Variants in LRP8 observed in about 807,000 individuals in gnomAD.
The protein encoded by LRP8 is low-density lipoprotein receptor-related protein 8.
Under a neutral mutation model 111.6 loss-of-function variants are expected in LRP8, and 46 were observed. The ratio of observed to expected loss-of-function variants is 0.41; its 90% CI spans 0.33 to 0.53. The LOEUF (loss-of-function observed/expected upper bound fraction) is 0.53, where lower values mean the gene tolerates loss of function less well. Among genes scored for constraint, LRP8 ranks in the 20% least tolerant of loss-of-function variants. LRP8 has a pLI of 0.20. For missense variants in LRP8, 959 were observed against 1,297.4 expected (o/e 0.74, Z 4.01); for synonymous variants, 464 against 511.2 (o/e 0.91, Z 1.24).
chr1:53,327,993 G>T lies in LRP8; in HGVS notation c.-81C>A. 1 of 904,198 alleles carries T rather than the reference G, an allele frequency of 1.1e-6. No individual in the cohort carries two copies. Among genetic ancestry groups the T allele is most frequent in the Non-Finnish European group, 1.3e-6 (1 of 757,200 alleles). The allele number at this position is 904,198 out of a possible 1,614,324, so 56.0% of individuals were successfully genotyped here. On this transcript the variant is annotated 5_prime_UTR_variant, in exon 1 of 19. Transcript: ENST00000306052. ...CGTCTCAGCCCTCCGAGTCCTTGCC[G>T]CGGCGCCGGGGTTGCCGCTGCCCCC...
chr1:53,295,509 C>T (rs916217205), intron 2 of LRP8, among the ~76,000 whole-genome samples: 9 of 152,098 alleles, frequency 5.9e-5, no homozygotes, highest in Non-Finnish European at 1.2e-4. Context: ...GGCTGCTCTC[C>T]AGCAGCCAAA....
At position 53,327,790 on chromosome 1, in the gene LRP8, T is replaced by G; in HGVS notation, c.123A>C (p.Gln41His). 6.6e-7 allele frequency: 1 copy of G among 1,511,082 alleles called. No individual in the cohort carries two copies. The highest frequency in any genetic ancestry group is 1.2e-5 in the South Asian group (1 of 82,080). 93.6% of individuals were successfully genotyped at this position (1,511,082 alleles called of 1,614,324 possible). Reference protein sequence around the residue: ...AAAADPLLGGQGPAKDCEKDQ... With the variant: ...AAAADPLLGGHGPAKDCEKDQ... ...GAGTCAGAGACCGGCTGCACGCACC[T>G]TGGCCGCCGAGCAGCGGATCAGCCG... Residue 41 changes from glutamine to histidine, a missense_variant and splice_region_variant, in exon 1 of 19, where the codon CAA becomes CAC. By Grantham distance (24) the Gln-to-His change is conservative. Around this residue, in one of 3 missense-constraint regions of LRP8, gnomAD observed 97 missense variants for 107.5 expected, o/e 0.90. Coordinates refer to ENST00000306052, the MANE Select transcript of LRP8 (RefSeq NM_004631.5).
At chr1:53,248,367 T>C (rs1315334476) in intron 18 of LRP8, among the ~76,000 whole-genome samples, 1 of 152,212 alleles carries the variant, frequency 6.6e-6, no homozygotes, top group South Asian at 2.1e-4. Flanking sequence ...AGGCCAAAGA[T>C]AGGCCCCAGT....
chr1:53,272,420 G>A (rs568708618), intron 6 of LRP8, among the ~76,000 whole-genome samples: 68 of 152,204 alleles, frequency 4.5e-4, no homozygotes, highest in Admixed American at 2.8e-3. Flanking sequence ...GAGAGGTGCC[G>A]CGCCCCTCTC....
In LRP8 at chr1:53,251,342, C is replaced by T. The variant is rs546017478; in HGVS notation, c.2504-480G>A. Among the ~76,000 whole-genome samples, 3 of 152,218 alleles carry T rather than the reference C, an allele frequency of 2.0e-5. No individual in the cohort carries two copies. The South Asian group carries it at 6.2e-4, about 32-fold the overall frequency. ...GATTTCTCTAAGAAAACGATTCTCT[C>T]CCAAAACTGGGGGGTGGAGAGTGGG... On this transcript the variant is annotated intron_variant, in intron 16 of 18. Coordinates refer to ENST00000306052, the MANE Select transcript of LRP8 (RefSeq NM_004631.5).
Position 53,266,820 on chromosome 1 carries a change from GA to G in LRP8, c.1253-174del. On this transcript the variant is annotated intron_variant, in intron 8 of 18. Coordinates refer to ENST00000306052, the MANE Select transcript of LRP8 (RefSeq NM_004631.5). This position sits in a 1 kb window ranked among gnomAD's most constrained non-coding sequence, Gnocchi z 5.0. ...GATGAAATAATGAGTACAGAAAGCA[GA>G]AGATGCAGAGCACCACGCATAGCAG... 1 of 602,418 alleles carries G rather than the reference GA, an allele frequency of 1.7e-6. No individual in the cohort carries two copies. Among genetic ancestry groups the G allele is most frequent in the East Asian group, 2.8e-5 (1 of 36,264 alleles). The allele number at this position is 602,418 out of a possible 1,614,324, so 37.3% of individuals were successfully genotyped here. A position where few individuals can be genotyped will look rare whatever the true frequency, so the allele number is the denominator to read the frequency against.
At position 53,279,080 on chromosome 1, in the gene LRP8, AGACTTG is replaced by A. The variant is rs1379094389; in HGVS notation, c.496+1501_496+1506del. Among the ~76,000 whole-genome samples the A allele has an allele frequency of 6.6e-6, 1 of 152,034 alleles. No homozygotes were observed. Among genetic ancestry groups the A allele is most frequent in the Non-Finnish European group, 1.5e-5 (1 of 68,006 alleles). On this transcript the variant is annotated intron_variant, in intron 4 of 18. Transcript: ENST00000306052. The surrounding 1 kb of genome is among the most constrained non-coding windows in gnomAD (Gnocchi z 4.4). Reference sequence around the variant, plus strand: ...CGCCTTAATTTTTAATTTTACTTGAAGACTTGGATGGCAAGGAAGTGCTTCTTCATA... The same window carrying A: ...CGCCTTAATTTTTAATTTTACTTGAAGATGGCAAGGAAGTGCTTCTTCATA...
intron 3 of LRP8, among the ~76,000 whole-genome samples, chr1:53,281,586 C>T (rs1389996232): frequency 6.6e-6 from 1 of 152,208 alleles, no homozygotes; most frequent in African/African-American, 2.4e-5. Context: ...CACAATAAGC[C>T]AGCAGGGTGA....
At chr1:53,291,214 T>C (rs953483886) in intron 2 of LRP8, among the ~76,000 whole-genome samples, 23 of 152,038 alleles carry the variant, frequency 1.5e-4, no homozygotes, top group Admixed American at 1.3e-3. Context: ...GGCCCAGAAA[T>C]GAAGACGGCA....
At chr1:53,296,415 TG>T (rs1649725569) in intron 2 of LRP8, among the ~76,000 whole-genome samples, 1 of 152,238 alleles carries the variant, frequency 6.6e-6, no homozygotes. Context: ...CTCCCAGGCC[TG>T]GGCCAGCACA....
At chr1:53,298,521 C>G (rs901848671) in intron 2 of LRP8, among the ~76,000 whole-genome samples, 1 of 152,340 alleles carries the variant, frequency 6.6e-6, no homozygotes, top group South Asian at 2.1e-4. Context: ...CAGCCCCACC[C>G]TGGGTTTTGG....
rs1158448587 is a variant in LRP8, at chr1:53,317,866, G to C, written c.244+9007C>G. On this transcript the variant is annotated intron_variant, in intron 2 of 18. Transcript: ENST00000306052. The surrounding 1 kb of genome is among the most constrained non-coding windows in gnomAD (Gnocchi z 4.9). ...AGTCACCCAAGGAACCTGGGCCTCA[G>C]GGTGGAGCTCTGGAAGTGGAGCTAA... is the stretch of plus-strand genomic sequence containing the variant. Among the ~76,000 whole-genome samples, 1 of 152,218 alleles carries C rather than the reference G, an allele frequency of 6.6e-6. No individual in the cohort carries two copies. The highest frequency in any genetic ancestry group is 2.4e-5 in the African/African-American group (1 of 41,448).
chr1:53,264,144 T>C (rs753755686), intron 10 of LRP8, 25 bp downstream of exon 10: 41 of 1,607,546 alleles, frequency 2.6e-5, no homozygotes, highest in African/African-American at 1.3e-5. Flanking sequence ...GGTGGGAGAA[T>C]GGGAAGTTCA....
intron 6 of LRP8, chr1:53,274,774 C>A: frequency 4.4e-6 from 2 of 456,340 alleles, no homozygotes; most frequent in South Asian, 3.1e-5. Flanking sequence ...CGTCCACGCG[C>A]TTGCCACTCT....
intron 15 of LRP8, among the ~76,000 whole-genome samples, chr1:53,255,695 A>G (rs1353149769): frequency 6.6e-6 from 1 of 152,224 alleles, no homozygotes; most frequent in Non-Finnish European, 1.5e-5. Context: ...AGAGGAATCA[A>G]AAGCGCAGAC....
intron 4 of LRP8, among the ~76,000 whole-genome samples, chr1:53,278,915 A>ATTTTTTTTTTTTTTTT (rs530331555): frequency 7.5e-6 from 1 of 133,016 alleles, no homozygotes. Context: ...CGCCCGGCTA[A>ATTTTTTTTTTTTTTTT]TTTTTTTTTT....
Position 53,249,330 on chromosome 1 carries a change from T to G in LRP8, c.2853+50A>C, listed in dbSNP as rs757808846. 2.9e-5 allele frequency: 46 copies of G among 1,590,146 alleles called. No homozygotes were observed. Among genetic ancestry groups the G allele is most frequent in the Non-Finnish European group, 3.7e-5 (43 of 1,166,422 alleles). ...CTAGGATTGGCTGCGCCTGCCTTGG[T>G]TCATGCCCTCACTCACCAGCCCCTC... On this transcript the variant is annotated intron_variant, in intron 18 of 18. Coordinates refer to ENST00000306052, the MANE Select transcript of LRP8 (RefSeq NM_004631.5). The surrounding 1 kb of genome is among the most constrained non-coding windows in gnomAD (Gnocchi z 4.1).
intron 16 of LRP8, among the ~76,000 whole-genome samples, chr1:53,253,819 T>C (rs1414680594): frequency 1.3e-5 from 2 of 152,222 alleles, no homozygotes; most frequent in Non-Finnish European, 2.9e-5. Context: ...CACAAGAGTA[T>C]CATGCCACTA....
At chr1:53,254,459 C>T (rs750562575) in intron 16 of LRP8, among the ~76,000 whole-genome samples, 11 of 151,986 alleles carry the variant, frequency 7.2e-5, no homozygotes, top group Non-Finnish European at 1.5e-4. Context: ...CCCCCTCCCC[C>T]AGCCCAAGTT....
Sources: gnomAD v4.1 joint callset for allele counts (sites outside exome capture counted in the v4.1 genomes callset) on GRCh38, gnomAD v4.1.1 for gene constraint, gnomAD v4.1.1 regional missense constraint, Gnocchi (gnomAD v3.1) non-coding constraint, MANE v1.5 for transcripts, NCBI Gene and HGNC (gene_info 2026-07-23, HGNC 2026-07-21) for gene names.